The following MINDY4 variants were observed in gnomAD, a reference collection of about 807,000 sequenced individuals.
The protein encoded by MINDY4 is MINDY lysine 48 deubiquitinase 4.
A neutral mutation model predicts 87.0 loss-of-function variants in MINDY4; 68 were observed. The observed-to-expected ratio is 0.78, with a 90% confidence interval of 0.64 to 0.96. MINDY4 has a LOEUF of 0.96. MINDY4 is among the 40% of genes least tolerant of loss of function. The pLI, the probability that MINDY4 is intolerant of heterozygous loss-of-function variation, is 0.00. For missense variants in MINDY4, 919 were observed against 928.2 expected (o/e 0.99, Z 0.13); for synonymous variants, 379 against 363.2 (o/e 1.04, Z -0.50).
intron 17 of MINDY4, among the ~76,000 whole-genome samples, chr7:30,891,621 C>T (rs1562569619): frequency 6.6e-6 from 1 of 152,152 alleles, no homozygotes; most frequent in Non-Finnish European, 1.5e-5. Context: ...TAGTGGAGAG[C>T]GGCTGGTCCA....
At chr7:30,851,674 G>A (rs1262194803) in intron 10 of MINDY4, among the ~76,000 whole-genome samples, 1 of 152,042 alleles carries the variant, frequency 6.6e-6, no homozygotes, top group Non-Finnish European at 1.5e-5. Context: ...ATTTCTCCCT[G>A]TTTTACAGAT....
chr7:30,875,699 T>A, intron 15 of MINDY4, 43 bp downstream of exon 15: 1 of 1,559,632 alleles, frequency 6.4e-7, no homozygotes, highest in South Asian at 1.2e-5. Context: ...GGAGCCTGAC[T>A]CTCTGGAGCA....
At chr7:30,850,074 G>A (rs1360201666) in intron 9 of MINDY4, among the ~76,000 whole-genome samples, 1 of 152,230 alleles carries the variant, frequency 6.6e-6, no homozygotes, top group Non-Finnish European at 1.5e-5. Context: ...GCAGGGTCCT[G>A]AGATGGCAGT....
intron 15 of MINDY4, among the ~76,000 whole-genome samples, chr7:30,880,838 G>A (rs549221121): frequency 7.9e-5 from 12 of 152,246 alleles, no homozygotes; most frequent in African/African-American, 2.6e-4. Context: ...GGATGAGTGC[G>A]TTGTAAAGAC....
At chr7:30,882,498 A>T in intron 16 of MINDY4, 137 bp downstream of exon 16, 2 of 821,932 alleles carry the variant, frequency 2.4e-6, no homozygotes, top group South Asian at 4.0e-5. Flanking sequence ...AGACTGGGGG[A>T]TCAGAGAGCC....
At chr7:30,817,348 T>C (rs150399900) in intron 5 of MINDY4, among the ~76,000 whole-genome samples, 44 of 147,574 alleles carry the variant, frequency 3.0e-4, no homozygotes, top group African/African-American at 1.0e-3. Flanking sequence ...TTTTCTTCCA[T>C]GGAGAACTTG....
intron 13 of MINDY4, among the ~76,000 whole-genome samples, chr7:30,865,565 T>C (rs1462778570): frequency 6.6e-6 from 1 of 152,196 alleles, no homozygotes; most frequent in Non-Finnish European, 1.5e-5. Context: ...GGGAACCAAA[T>C]TCTGTCCTGT....
intron 4 of MINDY4, among the ~76,000 whole-genome samples, chr7:30,787,078 A>G (rs1327299350): frequency 6.6e-6 from 1 of 152,214 alleles, no homozygotes; most frequent in Admixed American, 6.5e-5. Context: ...GAAAGAAGTG[A>G]GTCCTCTCCC....
At chr7:30,858,708 C>T (rs1789656896) in intron 12 of MINDY4, 1 of 188,932 alleles carries the variant, frequency 5.3e-6, no homozygotes, top group African/African-American at 2.4e-5. Flanking sequence ...GCCTCCTTCG[C>T]CTCACCAGAT....
chr7:30,794,864 T>A (rs1207006030), intron 5 of MINDY4, among the ~76,000 whole-genome samples: 1 of 152,186 alleles, frequency 6.6e-6, no homozygotes, highest in Non-Finnish European at 1.5e-5. Flanking sequence ...TCCCTCTCGC[T>A]AGAGTGCTGT....
rs532984620 is a variant in MINDY4, at chr7:30,791,183, T to C, written c.682T>C (p.Tyr228His). 16 of 1,611,254 alleles carry C rather than the reference T, an allele frequency of 9.9e-6. No individual in the cohort carries two copies. In the East Asian group the frequency reaches 2.9e-4, roughly 29 times the overall value. ...CCTTTAGGATTCTTTTCACAGACAC[T>C]ATCTGAGACGGTCCTCACCGTCAAG... ...SSPQDSFHRH[Y>H]LRRSSPSSSS... The change falls in exon 5 of 18, where the codon TAT (tyrosine) becomes CAT (histidine). Residue 228 changes from tyrosine to histidine, a missense_variant. Coordinates refer to ENST00000265299, the MANE Select transcript of MINDY4 (RefSeq NM_032222.3).
Position 30,888,300 on chromosome 7 carries a change from G to T in MINDY4, c.2226-3657G>T, listed in dbSNP as rs1790696095. Among the ~76,000 whole-genome samples, 6 of 152,188 alleles carry T rather than the reference G, an allele frequency of 3.9e-5. No individual in the cohort carries two copies. The South Asian group carries it at 1.0e-3, about 26-fold the overall frequency. On this transcript the variant is annotated intron_variant, in intron 17 of 17. Transcript: ENST00000265299. ...AACGGGACAATTGTGTGCCCCTGGG[G>T]TTATTTGCCAATGTCTGAGGACATT...
chr7:30,845,259 G>T (rs973097337), intron 9 of MINDY4, among the ~76,000 whole-genome samples: 31 of 152,250 alleles, frequency 2.0e-4, no homozygotes, highest in African/African-American at 7.5e-4. Context: ...TAGAAAAGAT[G>T]AACACAGAAG....
intron 13 of MINDY4, among the ~76,000 whole-genome samples, chr7:30,864,920 G>A (rs1789886694): frequency 6.6e-6 from 1 of 152,238 alleles, no homozygotes; most frequent in Non-Finnish European, 1.5e-5. Flanking sequence ...ACCCTCTGGG[G>A]GGAATCACGG....
At chr7:30,831,110 G>C (rs1369530728) in intron 6 of MINDY4, among the ~76,000 whole-genome samples, 1 of 152,158 alleles carries the variant, frequency 6.6e-6, no homozygotes, top group Non-Finnish European at 1.5e-5. Flanking sequence ...TTGGGATACT[G>C]GTGAGGGGCT....
In MINDY4 at chr7:30,840,777, C is replaced by T; in HGVS notation, c.1374C>T (p.Val458=). 6.2e-7 allele frequency: 1 copy of T among 1,614,124 alleles called. No homozygotes were observed. The highest frequency in any genetic ancestry group is 1.1e-5 in the South Asian group (1 of 91,078). Residue 458 remains valine (V), a synonymous_variant, in exon 9 of 18, where the codon GTC becomes GTT. Coordinates refer to ENST00000265299, the MANE Select transcript of MINDY4 (RefSeq NM_032222.3). ...IVQNKGGPCG[V]LAAVQGCVLQ... ...CTTTGCAGGGTGGTCCTTGCGGAGT[C>T]CTGGCAGCTGTCCAAGGCTGTGTCC...
Position 30,774,521 on chromosome 7 carries a change from A to G in MINDY4, c.63+2965A>G, listed in dbSNP as rs546572604. Among the ~76,000 whole-genome samples the G allele has an allele frequency of 4.5e-4, 68 of 150,900 alleles. No individual in the cohort carries two copies. The South Asian group carries it at 8.3e-3, about 18-fold the overall frequency. On this transcript the variant is annotated intron_variant, in intron 1 of 17. Coordinates refer to ENST00000265299, the MANE Select transcript of MINDY4 (RefSeq NM_032222.3). The stretch of plus-strand genomic sequence containing the variant: ...CTGGTTTATTATTTCCTCCCTTTCT[A>G]TAGAAACCCCATAAAGGACCTGTGT...
At chr7:30,888,637 C>A (rs1405899038) in intron 17 of MINDY4, among the ~76,000 whole-genome samples, 4 of 152,182 alleles carry the variant, frequency 2.6e-5, no homozygotes. Context: ...GCTTTCAGAA[C>A]CATTCCAATC....
intron 17 of MINDY4, among the ~76,000 whole-genome samples, chr7:30,890,938 C>G (rs1304571955): frequency 1.3e-5 from 2 of 152,126 alleles, no homozygotes; most frequent in Non-Finnish European, 2.9e-5. Context: ...CCTCGACTTT[C>G]TGGATGTAGA....
Sources: allele counts gnomAD v4.1 joint callset (sites outside exome capture counted in the v4.1 genomes callset), GRCh38; gene constraint gnomAD v4.1.1; transcripts MANE v1.5; gene names NCBI Gene and HGNC (gene_info 2026-07-23, HGNC 2026-07-21).